TRIP12: variants seen among roughly 807,000 people sequenced by gnomAD.
The protein encoded by TRIP12 is thyroid hormone receptor interactor 12.
Under a neutral mutation model 244.2 loss-of-function variants are expected in TRIP12, and 25 were observed. That is an observed-to-expected ratio of 0.10 (90% CI 0.07 to 0.14). The LOEUF is 0.14. TRIP12 is among the 10% of genes least tolerant of loss of function. The pLI, the probability that TRIP12 is intolerant of heterozygous loss-of-function variation, is 1.00. For missense variants in TRIP12, 1,677 were observed against 2,486.4 expected, an observed-to-expected ratio of 0.67 and a Z score of 6.92; for synonymous variants, 905 against 873.1, an observed-to-expected ratio of 1.04 and a Z score of -0.64.
intron 18 of TRIP12, among the ~76,000 whole-genome samples, chr2:229,805,081 A>AT (rs1314778395): frequency 2.6e-5 from 4 of 151,718 alleles, no homozygotes; most frequent in Non-Finnish European, 5.9e-5. Flanking sequence ...AGTTTTTTGT[A>AT]TTTTTAGTAG....
At chr2:229,789,486 G>C in intron 31 of TRIP12, 125 bp downstream of exon 31, 2 of 1,143,868 alleles carry the variant, frequency 1.7e-6, no homozygotes, top group South Asian at 1.8e-5. Flanking sequence ...CCACTGATGA[G>C]TACATTGTAC....
At chr2:229,771,475 A>G (rs2034328521) in intron 39 of TRIP12, 44 bp downstream of exon 39, 2 of 1,543,574 alleles carry the variant, frequency 1.3e-6, no homozygotes, top group Admixed American at 1.7e-5. Context: ...ACACTCCACT[A>G]AAATTATAGG....
Position 229,791,867 on chromosome 2 carries a change from A to G in TRIP12, c.4414T>C (p.Trp1472Arg). Residue 1472 changes from tryptophan (W) to arginine (R), a missense_variant and splice_region_variant, in exon 29 of 42, where the codon TGG becomes CGG. By Grantham distance (101) the Trp-to-Arg change is moderately radical. This residue lies in a region of TRIP12 where 265 missense variants were observed against 370.8 expected (regional missense o/e 0.71). Transcript: ENST00000675903. ...AGIWTKTHTI[W>R]YKPVREDEES... ...AAAAGAAAGAATTTTCAGACTTGCCATATTGTATGAGTCTTTGTCCAAATA... is the reference window on the plus strand; with the variant it reads ...AAAAGAAAGAATTTTCAGACTTGCCGTATTGTATGAGTCTTTGTCCAAATA... 6.2e-7 allele frequency: 1 copy of G among 1,611,280 alleles called. No homozygotes were observed. Among genetic ancestry groups the G allele is most frequent in the Admixed American group, 1.7e-5 (1 of 59,284 alleles).
At chr2:229,910,049 T>C (rs1168620012) in intron 1 of TRIP12, among the ~76,000 whole-genome samples, 2 of 152,208 alleles carry the variant, frequency 1.3e-5, no homozygotes, top group African/African-American at 4.8e-5. Context: ...ACTCCTTTCC[T>C]TGAGCCATGA....
chr2:229,862,524 T>C (rs1308561839), intron 2 of TRIP12, among the ~76,000 whole-genome samples: 4 of 152,248 alleles, frequency 2.6e-5, no homozygotes, highest in Non-Finnish European at 5.9e-5. Flanking sequence ...TTCTACTTTA[T>C]TTCATTTTAA....
At chr2:229,813,839 T>G (rs1229341509) in intron 13 of TRIP12, 31 bp downstream of exon 13, 8 of 1,418,876 alleles carry the variant, frequency 5.6e-6, no homozygotes, top group Non-Finnish European at 7.5e-6. Flanking sequence ...ATAAAACACT[T>G]TATGGCACAT....
chr2:229,813,771 G>A (rs543190358), intron 13 of TRIP12, 99 bp downstream of exon 13: 374 of 874,108 alleles, frequency 4.3e-4, no homozygotes, highest in South Asian at 5.6e-4. Flanking sequence ...GTAACAGAGC[G>A]AGACTCCCAT....
At chr2:229,792,663 G>A (rs1433165845) in intron 27 of TRIP12, among the ~76,000 whole-genome samples, 2 of 152,136 alleles carry the variant, frequency 1.3e-5, no homozygotes, top group African/African-American at 2.4e-5. Context: ...GGTTAGGGAT[G>A]TTCAACCTGT....
chr2:229,823,084 A>G (rs1316962085), intron 8 of TRIP12, among the ~76,000 whole-genome samples: 1 of 152,210 alleles, frequency 6.6e-6, no homozygotes, highest in Non-Finnish European at 1.5e-5. Flanking sequence ...GATGCAGTGT[A>G]AAGTTTAAAT....
At chr2:229,837,645 C>T (rs1406959829) in intron 5 of TRIP12, among the ~76,000 whole-genome samples, 1 of 151,972 alleles carries the variant, frequency 6.6e-6, no homozygotes, top group Non-Finnish European at 1.5e-5. Context: ...TACAAAAGAA[C>T]TGCAGATTAA....
At chr2:229,901,551 T>TGG (rs1056184998) in intron 1 of TRIP12, among the ~76,000 whole-genome samples, 36 of 146,266 alleles carry the variant, frequency 2.5e-4, no homozygotes, top group African/African-American at 7.6e-4. Context: ...TGAACCTGGG[T>TGG]GGTGGAGGTT....
chr2:229,896,158 A>G (rs1021399301), intron 1 of TRIP12, among the ~76,000 whole-genome samples: 1 of 152,152 alleles, frequency 6.6e-6, no homozygotes, highest in Non-Finnish European at 1.5e-5. Flanking sequence ...TATTAACTCT[A>G]TATTATACTA....
chr2:229,839,480 A>C (rs1312407944), intron 5 of TRIP12, among the ~76,000 whole-genome samples: 3 of 152,032 alleles, frequency 2.0e-5, no homozygotes, highest in Admixed American at 2.0e-4. Context: ...GACCGAGACC[A>C]TCCCGGTTAA....
intron 2 of TRIP12, among the ~76,000 whole-genome samples, chr2:229,876,939 T>C (rs2154351272): frequency 6.6e-6 from 1 of 152,230 alleles, no homozygotes; most frequent in Admixed American, 6.5e-5. Context: ...CAAGTGATCA[T>C]CCCACCTCAG....
At position 229,860,458 on chromosome 2, in the gene TRIP12, T is replaced by C; in HGVS notation, c.172A>G (p.Lys58Glu). 2 of 1,612,102 alleles carry C rather than the reference T, an allele frequency of 1.2e-6. No homozygotes were observed. The highest frequency in any genetic ancestry group is 1.7e-6 in the Non-Finnish European group (2 of 1,179,396). Reference sequence around the variant, plus strand: ...TCAGAAGTAGTATTAGACTGCACTTTGGGTGCCTTAGAATTAGATTTTCTA... The same window carrying C: ...TCAGAAGTAGTATTAGACTGCACTTCGGGTGCCTTAGAATTAGATTTTCTA... ...ESRKSNSKAPKVQSNTTSELS... is the reference protein window; with the variant it reads ...ESRKSNSKAPEVQSNTTSELS... The change falls in exon 3 of 42, where the codon AAA (lysine) becomes GAA (glutamate). Residue 58 changes from lysine (K) to glutamate (E), a missense_variant. This residue lies in a region of TRIP12 where 387 missense variants were observed against 392.6 expected (regional missense o/e 0.99). Transcript: ENST00000675903.
At chr2:229,788,230 C>T (rs983228029) in intron 32 of TRIP12, among the ~76,000 whole-genome samples, 39 of 152,218 alleles carry the variant, frequency 2.6e-4, no homozygotes, top group African/African-American at 7.9e-4. Context: ...ACACTTAAGT[C>T]GATAGATCAT....
At chr2:229,853,562 C>T (rs2059101368) in intron 4 of TRIP12, among the ~76,000 whole-genome samples, 1 of 152,098 alleles carries the variant, frequency 6.6e-6, no homozygotes, top group Non-Finnish European at 1.5e-5. Context: ...GAGGCTGAGA[C>T]ACGAGAATCA....
chr2:229,798,565 T>C (rs918693112), intron 23 of TRIP12, among the ~76,000 whole-genome samples: 4 of 151,920 alleles, frequency 2.6e-5, no homozygotes, highest in African/African-American at 9.7e-5. Flanking sequence ...ACAGAAAATG[T>C]CAGCTTTTCC....
chr2:229,788,422 G>A (rs1327781155), intron 32 of TRIP12, among the ~76,000 whole-genome samples: 5 of 152,142 alleles, frequency 3.3e-5, no homozygotes, highest in African/African-American at 4.8e-5. Flanking sequence ...GGGGACTGCC[G>A]ATTTAAATGT....
Sources: allele counts gnomAD v4.1 joint callset (sites outside exome capture counted in the v4.1 genomes callset), GRCh38; gene constraint gnomAD v4.1.1; regional missense constraint gnomAD v4.1.1; transcripts MANE v1.5; gene names NCBI Gene and HGNC (gene_info 2026-07-23, HGNC 2026-07-21).